Variants in GRID2 observed in about 807,000 individuals in gnomAD.
GRID2 encodes glutamate ionotropic receptor delta type subunit 2.
In GRID2, 33 loss-of-function variants were observed where a neutral mutation model predicts 114.8. That is an observed-to-expected ratio of 0.29 (90% confidence interval 0.22 to 0.38). The LOEUF (loss-of-function observed/expected upper bound fraction) is 0.38, where lower values mean the gene tolerates loss of function less well. Among genes scored for constraint, GRID2 ranks in the 10% least tolerant of loss-of-function variants. The probability of loss-of-function intolerance (pLI) is 1.00; values close to 1 mark genes in which losing one functional copy is unlikely to be tolerated. For synonymous variants in GRID2, 505 were observed against 449.9 expected, an observed-to-expected ratio of 1.12 and a Z score of -1.55; for missense variants, 1,184 against 1,257.7, an observed-to-expected ratio of 0.94 and a Z score of 0.89.
intron 8 of GRID2, among the ~76,000 whole-genome samples, chr4:93,291,223 T>G (rs113152812): frequency 0.017 from 2,628 of 152,150 alleles, 80 homozygotes; most frequent in African/African-American, 0.06. Flanking sequence ...CTACAACCTC[T>G]AGAGCATTAC....
At chr4:92,921,349 C>T (rs1007653499) in intron 2 of GRID2, among the ~76,000 whole-genome samples, 4 of 152,268 alleles carry the variant, frequency 2.6e-5, no homozygotes, top group South Asian at 2.1e-4. Flanking sequence ...TCTCTCAACT[C>T]GTCAAAGTCA....
At chr4:92,684,281 G>A (rs571060649) in intron 2 of GRID2, among the ~76,000 whole-genome samples, 111 of 152,028 alleles carry the variant, frequency 7.3e-4, no homozygotes, top group African/African-American at 2.5e-3. Context: ...GGTTACACAG[G>A]GGGCCAGTGG....
chr4:92,531,214 G>T (rs1263536957), intron 1 of GRID2, among the ~76,000 whole-genome samples: 1 of 151,922 alleles, frequency 6.6e-6, no homozygotes, highest in Non-Finnish European at 1.5e-5. Flanking sequence ...AGTGTTTCTT[G>T]TAGTAGTCTC....
At chr4:92,941,390 T>A (rs893923402) in intron 2 of GRID2, among the ~76,000 whole-genome samples, 1 of 152,206 alleles carries the variant, frequency 6.6e-6, no homozygotes, top group Non-Finnish European at 1.5e-5. Context: ...TGGTAGTCTG[T>A]ATTTCTTTGG....
rs115908292 is a variant in GRID2 at position 93,147,326 on chromosome 4, T to C, written c.735+36373T>C. On this transcript the variant is annotated intron_variant, in intron 4 of 15. Coordinates refer to ENST00000282020, the MANE Select transcript of GRID2 (RefSeq NM_001510.4). ...GTTGTAGTCTTAATGCCTACCATTC[T>C]AGAAAAATTACTAATGGATGATCAA... Among the ~76,000 whole-genome samples, 690 of 152,328 alleles carry C rather than the reference T, an allele frequency of 4.5e-3. 5 individuals carry two copies. The highest frequency in any genetic ancestry group is 0.016 in the African/African-American group (658 of 41,582).
chr4:93,651,001 C>T (rs1042849555), intron 14 of GRID2, among the ~76,000 whole-genome samples: 2 of 152,140 alleles, frequency 1.3e-5, no homozygotes, highest in Non-Finnish European at 2.9e-5. Context: ...GTGAAGGTGA[C>T]CATTTGAGGT....
intron 1 of GRID2, among the ~76,000 whole-genome samples, chr4:92,517,464 C>T (rs959999676): frequency 4.6e-5 from 7 of 151,846 alleles, no homozygotes; most frequent in Admixed American, 1.3e-4. Flanking sequence ...GAAAGCTTCT[C>T]ATATTTTAGA....
At chr4:92,804,051 C>G (rs1740296327) in intron 2 of GRID2, among the ~76,000 whole-genome samples, 1 of 151,962 alleles carries the variant, frequency 6.6e-6, no homozygotes, top group South Asian at 2.1e-4. Flanking sequence ...AGACTTCCTT[C>G]TGTGTCTGTG....
intron 1 of GRID2, among the ~76,000 whole-genome samples, chr4:92,381,225 A>T (rs373854386): frequency 3.3e-5 from 5 of 152,172 alleles, no homozygotes; most frequent in African/African-American, 1.2e-4. Flanking sequence ...AAACTCAGCT[A>T]AGGTTGCCAG....
chr4:93,799,438 CT>C lies in GRID2; in HGVS notation c.222-7265del, dbSNP rs749961644. Among the ~76,000 whole-genome samples the C allele has an allele frequency of 5.1e-3, 735 of 145,308 alleles. 7 individuals carry two copies. The highest frequency in any genetic ancestry group is 0.014 in the African/African-American group (565 of 39,440). On this transcript the variant is annotated intron_variant, in intron 1 of 1. Coordinates refer to the GRID2 transcript ENST00000637838. Reference sequence around the variant, plus strand: ...AGGGGAAACTACAGAACTGCAGCCCCTTTTTTTTTTTTAACAAAAATCTTTA... The same window carrying C: ...AGGGGAAACTACAGAACTGCAGCCCCTTTTTTTTTTTAACAAAAATCTTTA...
At chr4:92,410,475 C>T (rs1579314474) in intron 1 of GRID2, among the ~76,000 whole-genome samples, 1 of 152,146 alleles carries the variant, frequency 6.6e-6, no homozygotes, top group African/African-American at 2.4e-5. Flanking sequence ...CCTCCAGATA[C>T]CATTCTGTGC....
intron 2 of GRID2, among the ~76,000 whole-genome samples, chr4:92,973,612 C>T (rs1293041407): frequency 1.3e-5 from 2 of 152,074 alleles, no homozygotes; most frequent in Non-Finnish European, 2.9e-5. Flanking sequence ...AGATTAAGAG[C>T]ACCAGAACCT....
intron 2 of GRID2, among the ~76,000 whole-genome samples, chr4:92,665,179 C>A (rs1445889047): frequency 2.0e-5 from 3 of 149,564 alleles, no homozygotes; most frequent in African/African-American, 7.3e-5. Flanking sequence ...TTCATATTTC[C>A]TTTTCTGTGT....
chr4:92,792,044 A>G (rs1397290241), intron 2 of GRID2, among the ~76,000 whole-genome samples: 1 of 151,820 alleles, frequency 6.6e-6, no homozygotes, highest in Non-Finnish European at 1.5e-5. Flanking sequence ...GTCCTCAGTG[A>G]GCCGTGGCCA....
intron 2 of GRID2, among the ~76,000 whole-genome samples, chr4:93,076,027 C>T (rs1729257286): frequency 6.6e-6 from 1 of 151,092 alleles, no homozygotes; most frequent in African/African-American, 2.4e-5. Context: ...CCTCAGCCTC[C>T]CAAGTAGCTG....
intron 1 of GRID2, among the ~76,000 whole-genome samples, chr4:92,410,091 A>C (rs1339852732): frequency 6.6e-6 from 1 of 152,146 alleles, no homozygotes; most frequent in Non-Finnish European, 1.5e-5. Flanking sequence ...AGGCTATGCT[A>C]CTTGTTAGCA....
intron 1 of GRID2, among the ~76,000 whole-genome samples, chr4:92,524,851 G>A (rs1724969807): frequency 6.6e-6 from 1 of 151,966 alleles, no homozygotes; most frequent in Non-Finnish European, 1.5e-5. Context: ...AATGGCTGAT[G>A]TTGAGGGTCA....
chr4:93,298,166 C>T (rs1279586071), intron 8 of GRID2, among the ~76,000 whole-genome samples: 1 of 152,214 alleles, frequency 6.6e-6, no homozygotes, highest in Non-Finnish European at 1.5e-5. Flanking sequence ...ATCCATCTAA[C>T]TGGGCAAACC....
chr4:92,940,970 C>A (rs1224713843), intron 2 of GRID2, among the ~76,000 whole-genome samples: 2 of 152,078 alleles, frequency 1.3e-5, no homozygotes, highest in African/African-American at 4.8e-5. Context: ...TTCGGTTTGC[C>A]AGTATTTTAT....
Sources: allele counts gnomAD v4.1 joint callset (sites outside exome capture counted in the v4.1 genomes callset), GRCh38; gene constraint gnomAD v4.1.1; transcripts MANE v1.5; gene names NCBI Gene and HGNC (gene_info 2026-07-23, HGNC 2026-07-21).